Variants in FRMD4A observed in about 807,000 individuals in gnomAD.
The protein encoded by FRMD4A is FERM domain-containing protein 4A.
Under a neutral mutation model 129.1 loss-of-function variants are expected in FRMD4A, and 29 were observed. The observed-to-expected ratio is 0.22, with a 90% CI of 0.17 to 0.31. The LOEUF is 0.31. FRMD4A is among the 10% of genes least tolerant of loss of function. The probability of loss-of-function intolerance (pLI) is 1.00; values close to 1 mark genes in which losing one functional copy is unlikely to be tolerated. For missense variants in FRMD4A, 1,272 were observed against 1,375.8 expected (o/e 0.92, Z 1.19); for synonymous variants, 634 against 571.6 (o/e 1.11, Z -1.56).
chr10:14,061,289 TA>T (rs939544565), intron 2 of FRMD4A, among the ~76,000 whole-genome samples: 16 of 152,040 alleles, frequency 1.1e-4, no homozygotes, highest in African/African-American at 3.9e-4. Context: ...CCGTCTCTAC[TA>T]AAAATACAAA....
chr10:13,822,711 A>T (rs2093647683), intron 3 of FRMD4A, among the ~76,000 whole-genome samples: 1 of 152,162 alleles, frequency 6.6e-6, no homozygotes, highest in Non-Finnish European at 1.5e-5. Flanking sequence ...TTTCAATCAG[A>T]TCACACAGCT....
rs200663128 is a variant in FRMD4A at position 13,693,685 on chromosome 10, C to CTTT, written c.1117+210_1117+212dup. 1,739 of 603,416 alleles carry CTTT rather than the reference C, an allele frequency of 2.9e-3. 33 individuals are homozygous for CTTT. The African/African-American group carries it at 0.033, about 11-fold the overall frequency. The allele number at this position is 603,416 out of a possible 1,614,324, so 37.4% of individuals were successfully genotyped here. On this transcript the variant is annotated intron_variant, in intron 15 of 24. Coordinates refer to ENST00000357447, the MANE Select transcript of FRMD4A (RefSeq NM_018027.5). Reference sequence around the variant, plus strand: ...CTTGCACTGCGTGGTTCTACTGATGCTTTTTTTTTTTTTTTTCCCTTCCAC... The same window carrying CTTT: ...CTTGCACTGCGTGGTTCTACTGATGCTTTTTTTTTTTTTTTTTTTCCCTTCCAC...
At position 14,309,434 on chromosome 10, in the gene FRMD4A, A is replaced by AGG. The variant is rs557955937; in HGVS notation, c.45+20622_45+20623dup. 5.8e-3 allele frequency among the ~76,000 whole-genome samples: 881 copies of AGG among 152,282 alleles called. 12 individuals are homozygous for AGG. The highest frequency in any genetic ancestry group is 0.021 in the African/African-American group (856 of 41,544). On this transcript the variant is annotated intron_variant, in intron 2 of 24. Transcript: ENST00000357447. ...CACTGCACTCCAGCCTGGGCCACAG[A>AGG]GGGAGACCTTGTCACAAAAACAAAA...
At chr10:13,659,522 C>A in intron 20 of FRMD4A, 32 bp from the exon 21 acceptor site, 1 of 1,597,446 alleles carries the variant, frequency 6.3e-7, no homozygotes, top group Non-Finnish European at 8.5e-7. Flanking sequence ...GTGGTCACCG[C>A]CAGACAGACA....
chr10:14,114,416 A>G (rs945831347), intron 2 of FRMD4A, among the ~76,000 whole-genome samples: 2 of 152,196 alleles, frequency 1.3e-5, no homozygotes, highest in Non-Finnish European at 2.9e-5. Context: ...GCTTCTGTCC[A>G]TCATTTGGAA....
intron 2 of FRMD4A, among the ~76,000 whole-genome samples, chr10:14,305,750 G>A (rs575669277): frequency 5.3e-5 from 8 of 152,120 alleles, no homozygotes; most frequent in Admixed American, 5.2e-4. Context: ...TGACAGACTG[G>A]ATAAAGAAAA....
At chr10:14,181,500 CT>C (rs1157649325) in intron 2 of FRMD4A, among the ~76,000 whole-genome samples, 1 of 152,152 alleles carries the variant, frequency 6.6e-6, no homozygotes, top group Non-Finnish European at 1.5e-5. Context: ...TTGGATGTTC[CT>C]GCAAAGTTAG....
chr10:13,953,785 T>C (rs2095390207), intron 2 of FRMD4A, among the ~76,000 whole-genome samples: 1 of 152,232 alleles, frequency 6.6e-6, no homozygotes, highest in Non-Finnish European at 1.5e-5. Context: ...CAAAGTAATG[T>C]ATATATAGTG....
chr10:13,950,183 G>A (rs1049681155), intron 2 of FRMD4A, among the ~76,000 whole-genome samples: 10 of 152,234 alleles, frequency 6.6e-5, no homozygotes, highest in South Asian at 4.1e-4. Context: ...TCCCAGATGA[G>A]TGGCTTTAGG....
chr10:13,838,603 G>C (rs2093913464), intron 3 of FRMD4A, among the ~76,000 whole-genome samples: 1 of 150,874 alleles, frequency 6.6e-6, no homozygotes, highest in Non-Finnish European at 1.5e-5. Context: ...AGCAATTCTG[G>C]TGCCTCAGCC....
chr10:14,330,028 C>T, intron 2 of FRMD4A, 30 bp downstream of exon 2: 1 of 1,550,996 alleles, frequency 6.4e-7, no homozygotes, highest in Non-Finnish European at 8.7e-7. Context: ...TGGACGCTGC[C>T]CGGGCCCCAC....
At chr10:14,078,845 G>A (rs1252692216) in intron 2 of FRMD4A, among the ~76,000 whole-genome samples, 3 of 152,182 alleles carry the variant, frequency 2.0e-5, no homozygotes, top group Non-Finnish European at 2.9e-5. Context: ...GTCCCTTTCT[G>A]TGGAGACTGG....
At chr10:13,723,918 A>G (rs2089675181) in intron 12 of FRMD4A, among the ~76,000 whole-genome samples, 1 of 152,184 alleles carries the variant, frequency 6.6e-6, no homozygotes, top group Admixed American at 6.5e-5. Context: ...GCAAGTTTGA[A>G]GCTTTGATTG....
intron 2 of FRMD4A, among the ~76,000 whole-genome samples, chr10:13,967,023 A>G (rs973517546): frequency 1.1e-4 from 17 of 152,240 alleles, no homozygotes; most frequent in Admixed American, 9.8e-4. Context: ...GAGCTAAGCT[A>G]TGAGGATGCA....
intron 15 of FRMD4A, among the ~76,000 whole-genome samples, chr10:13,690,750 G>GCTA (rs560140692): frequency 2.6e-5 from 4 of 152,324 alleles, no homozygotes; most frequent in Admixed American, 1.3e-4. Flanking sequence ...GGCCCCAGCT[G>GCTA]CTACTACTAA....
intron 12 of FRMD4A, among the ~76,000 whole-genome samples, chr10:13,718,376 G>A (rs1564682401): frequency 6.6e-6 from 1 of 152,254 alleles, no homozygotes; most frequent in Non-Finnish European, 1.5e-5. Context: ...GAGGCGGTGG[G>A]CCTGCCCCGC....
At chr10:13,904,188 C>T (rs142877572) in intron 2 of FRMD4A, among the ~76,000 whole-genome samples, 2 of 152,368 alleles carry the variant, frequency 1.3e-5, no homozygotes, top group African/African-American at 4.8e-5. Flanking sequence ...GAAAATAGGG[C>T]CTGCCTGCCT....
At chr10:14,056,175 G>A (rs1834519968) in intron 2 of FRMD4A, among the ~76,000 whole-genome samples, 1 of 152,068 alleles carries the variant, frequency 6.6e-6, no homozygotes, top group Non-Finnish European at 1.5e-5. Flanking sequence ...GGGATTACAG[G>A]CACGTGCCAC....
rs551341983 is a variant in FRMD4A, at chr10:13,704,602, C to T, written c.836+2435G>A. Among the ~76,000 whole-genome samples the T allele has an allele frequency of 2.6e-5, 4 of 152,304 alleles. No individual in the cohort carries two copies. In the South Asian group the frequency reaches 8.3e-4, roughly 32 times the overall value. On this transcript the variant is annotated intron_variant, in intron 13 of 24. Transcript: ENST00000357447. ...TCCTGACCAGCCAGGCCTCTGGTGA[C>T]CCTGTCCTTCACCCTTCATGGCCCA...
Sources: gnomAD v4.1 joint callset for allele counts (sites outside exome capture counted in the v4.1 genomes callset) on GRCh38, gnomAD v4.1.1 for gene constraint, MANE v1.5 for transcripts, NCBI Gene and HGNC (gene_info 2026-07-23, HGNC 2026-07-21) for gene names.